NUDT16L1: variants seen among roughly 807,000 people sequenced by gnomAD.
NUDT16L1 encodes the protein nudix hydrolase 16 like 1, also known as tudor-interacting repair regulator protein.
In NUDT16L1, 19 loss-of-function variants were observed where a neutral mutation model predicts 17.3. The observed-to-expected ratio is 1.10, with a 90% CI of 0.77 to 1.61. The LOEUF (loss-of-function observed/expected upper bound fraction) is 1.61. NUDT16L1 is among the 40% of genes most tolerant of loss of function. The pLI, the probability that NUDT16L1 is intolerant of heterozygous loss-of-function variation, is 0.00. For synonymous variants in NUDT16L1, 255 were observed against 138.6 expected, an observed-to-expected ratio of 1.84 and a Z score of -5.90; for missense variants, 341 against 292.0, an observed-to-expected ratio of 1.17 and a Z score of -1.22.
intron 2 of NUDT16L1, chr16:4,694,536 A>AGCG: frequency 6.9e-7 from 1 of 1,441,080 alleles, no homozygotes; most frequent in Non-Finnish European, 9.1e-7. Flanking sequence ...ATGGGGGAGG[A>AGCG]GCGGGGATTG....
In NUDT16L1 at chr16:4,694,459, C is replaced by T. The variant is rs750867794; in HGVS notation, c.414+221C>T. The T allele has an allele frequency of 2.7e-5, 41 of 1,524,590 alleles. No homozygotes were observed. The African/African-American group carries it at 3.3e-4, about 12-fold the overall frequency. 94.4% of individuals were successfully genotyped at this position (1,524,590 alleles called of 1,614,324 possible). On this transcript the variant is annotated intron_variant, in intron 2 of 2. Coordinates refer to ENST00000304301, the Ensembl canonical transcript of NUDT16L1. ...CTGGGGCTCCCTCAGGGCTGTGTTA[C>T]ATCCGCCTTGCTGCCTGCCATTGCC...
At chr16:4,694,600 C>G (rs974440536) in intron 2 of NUDT16L1, 1 of 1,431,214 alleles carries the variant, frequency 7.0e-7, no homozygotes, top group Non-Finnish European at 9.1e-7. Flanking sequence ...TTGGGAACCT[C>G]ATGTTGGGCG....
intron 2 of NUDT16L1, 163 bp from the exon 3 acceptor site, chr16:4,694,795 C>T (rs1410640757): frequency 5.5e-6 from 8 of 1,443,934 alleles, no homozygotes; most frequent in East Asian, 2.5e-5. Context: ...TGCACTGCTC[C>T]GAGGGAGCTG....
chr16:4,694,710 G>A, intron 2 of NUDT16L1: 1 of 1,424,766 alleles, frequency 7.0e-7, no homozygotes, highest in East Asian at 2.5e-5. Context: ...TGCGGACCCC[G>A]GGGTGGGGTG....
At chr16:4,693,602 C>G, upstream of NUDT16L1, 1 of 1,141,524 alleles carries the variant, frequency 8.8e-7, no homozygotes, top group Non-Finnish European at 1.1e-6. Flanking sequence ...GGTCCCGGGG[C>G]GCGCCGGCGA....
intron 2 of NUDT16L1, 160 bp from the exon 3 acceptor site, chr16:4,694,798 G>A (rs992793369): frequency 1.4e-6 from 2 of 1,444,268 alleles, no homozygotes; most frequent in Non-Finnish European, 1.8e-6. Flanking sequence ...ACTGCTCCGA[G>A]GGAGCTGGCT....
chr16:4,693,771 G>A (rs1334051037), exon 1 of NUDT16L1: 19 of 1,565,108 alleles, frequency 1.2e-5, no homozygotes, highest in Middle Eastern at 1.7e-4. Flanking sequence ...TCAGCCGGGT[G>A]GAGGCGATGC....
intron 2 of NUDT16L1, 175 bp from the exon 3 acceptor site, chr16:4,694,783 G>T: frequency 6.9e-7 from 1 of 1,440,262 alleles, no homozygotes; most frequent in Non-Finnish European, 9.1e-7. Context: ...GGAGGAGGGG[G>T]CTGCACTGCT....
In NUDT16L1 at chr16:4,693,837, TG is replaced by T. The variant is rs1194691072; in HGVS notation, c.114del (p.Gln39SerfsTer13). 6.4e-7 allele frequency: 1 copy of T among 1,562,564 alleles called. No individual in the cohort carries two copies. On this transcript the variant is annotated frameshift_variant, in exon 1 of 3. Coordinates refer to ENST00000304301, the Ensembl canonical transcript of NUDT16L1. LOFTEE classifies it high-confidence loss of function. Reference sequence around the variant, plus strand: ...ACGCCATGCTGTACGCCGCCAACCCTGGGCAGCTCTTCGGCCGCATCCCCAT... The same window carrying T: ...ACGCCATGCTGTACGCCGCCAACCCTGGCAGCTCTTCGGCCGCATCCCCAT...
chr16:4,695,521 C>A (rs1237650549), exon 3 of NUDT16L1: 3 of 542,074 alleles, frequency 5.5e-6, no homozygotes, highest in Non-Finnish European at 9.8e-6. Flanking sequence ...GGGTGGCGCA[C>A]AGCTCTGGGA....
Position 4,694,303 on chromosome 16 carries a change from C to T in NUDT16L1, c.414+65C>T, listed in dbSNP as rs1011078373. 12 of 1,481,836 alleles carry T rather than the reference C, an allele frequency of 8.1e-6. No homozygotes were observed. The African/African-American group carries it at 1.4e-4, about 18-fold the overall frequency. The allele number at this position is 1,481,836 out of a possible 1,614,324, so 91.8% of individuals were successfully genotyped here. ...TTGGCTCTGGCCCCGTGGAAGGCAC[C>T]GATGGGTAACACGTCTCCTGAGGGT... On this transcript the variant is annotated intron_variant, in intron 2 of 2. Transcript: ENST00000304301.
chr16:4,694,596 ACC>A (rs1209025982), intron 2 of NUDT16L1: 12 of 1,430,296 alleles, frequency 8.4e-6, no homozygotes, highest in Admixed American at 2.8e-5. Flanking sequence ...AAACTTGGGA[ACC>A]TCATGTTGGG....
intron 2 of NUDT16L1, chr16:4,694,496 T>TGGGGGAGTGGGATCGGTGGG: frequency 7.7e-7 from 1 of 1,297,804 alleles, no homozygotes; most frequent in Non-Finnish European, 9.8e-7. Flanking sequence ...ATCCTGGGAG[T>TGGGGGAGTGGGATCGGTGGG]GGGGGAGTGG....
exon 1 of NUDT16L1, chr16:4,693,764 G>C (rs1365138853): frequency 4.5e-6 from 7 of 1,561,720 alleles, no homozygotes; most frequent in Non-Finnish European, 6.0e-6. Flanking sequence ...AAGCAGATCA[G>C]CCGGGTGGAG....
chr16:4,693,592 G>C (rs2079473159), upstream of NUDT16L1: 4 of 1,043,170 alleles, frequency 3.8e-6, no homozygotes, highest in South Asian at 6.6e-5. Flanking sequence ...CGAGGGGCTC[G>C]GTCCCGGGGC....
rs896633989 is a variant in NUDT16L1, at chr16:4,694,617, C to G, written c.415-341C>G. The G allele has an allele frequency of 4.1e-5, 58 of 1,426,416 alleles. No homozygotes were observed. The African/African-American group carries it at 7.5e-4, about 19-fold the overall frequency. 88.4% of individuals were successfully genotyped at this position (1,426,416 alleles called of 1,614,324 possible). On this transcript the variant is annotated intron_variant, in intron 2 of 2. Transcript: ENST00000304301. ...GGGAACCTCATGTTGGGCGTGAAGG[C>G]TCTTGGGATTTGTACTTTGTGGTCT...
At chr16:4,695,640 G>T (rs78956136) in exon 3 of NUDT16L1, 2 of 416,826 alleles carry the variant, frequency 4.8e-6, no homozygotes, top group Non-Finnish European at 8.5e-6. Flanking sequence ...GCTTGGGGTA[G>T]GAAGTTAATA....
At chr16:4,694,360 C>T (rs1477498089) in intron 2 of NUDT16L1, 122 bp downstream of exon 2, 5 of 1,478,852 alleles carry the variant, frequency 3.4e-6, no homozygotes, top group East Asian at 2.6e-5. Flanking sequence ...GTGTCGCTGT[C>T]TCCAGCAATG....
exon 3 of NUDT16L1, chr16:4,694,975 G>A (rs1478864697): frequency 6.2e-7 from 1 of 1,610,374 alleles, no homozygotes; most frequent in East Asian, 2.2e-5. Flanking sequence ...GCCTCGTGCG[G>A]GTCCCGCTGT....
Sources: gnomAD v4.1 joint callset for allele counts on GRCh38, gnomAD v4.1.1 for gene constraint, MANE v1.5 for transcripts, NCBI Gene and HGNC (gene_info 2026-07-23, HGNC 2026-07-21) for gene names.